DYNC2H1: variants seen among roughly 807,000 people sequenced by gnomAD.
The protein encoded by DYNC2H1 is cytoplasmic dynein 2 heavy chain 1.
A neutral mutation model predicts 570.0 loss-of-function variants in DYNC2H1; 410 were observed. The observed-to-expected ratio is 0.72, with a 90% confidence interval of 0.66 to 0.78. The LOEUF (loss-of-function observed/expected upper bound fraction) is 0.78. Among genes scored for constraint, DYNC2H1 ranks in the 30% least tolerant of loss-of-function variants. The pLI, the probability that DYNC2H1 is intolerant of heterozygous loss-of-function variation, is 0.00. For missense variants in DYNC2H1, 4,865 were observed against 5,046.4 expected (o/e 0.96, Z 1.09); for synonymous variants, 1,688 against 1,677.6 (o/e 1.01, Z -0.15).
At chr11:103,333,064 G>T (rs999148605) in intron 82 of DYNC2H1, among the ~76,000 whole-genome samples, 7 of 151,998 alleles carry the variant, frequency 4.6e-5, no homozygotes, top group Non-Finnish European at 1.0e-4. Flanking sequence ...TTATAAGATT[G>T]TTACAGGAAG....
At chr11:103,351,306 C>T (rs1315501653) in intron 82 of DYNC2H1, among the ~76,000 whole-genome samples, 3 of 152,172 alleles carry the variant, frequency 2.0e-5, no homozygotes, top group Non-Finnish European at 4.4e-5. Context: ...AAGTAAACTG[C>T]ATGTCCTTTT....
chr11:103,420,440 GT>G (rs1434597843), intron 84 of DYNC2H1, among the ~76,000 whole-genome samples: 1 of 152,086 alleles, frequency 6.6e-6, no homozygotes, highest in African/African-American at 2.4e-5. Flanking sequence ...ATTCTCCAAG[GT>G]TGAAATAAAA....
At chr11:103,454,765 C>T (rs1471637689) in intron 85 of DYNC2H1, among the ~76,000 whole-genome samples, 3 of 152,092 alleles carry the variant, frequency 2.0e-5, no homozygotes, top group African/African-American at 7.2e-5. Flanking sequence ...CATTGCCCTC[C>T]ACTGTTGTAA....
intron 39 of DYNC2H1, among the ~76,000 whole-genome samples, chr11:103,180,581 C>G (rs1476969556): frequency 2.0e-5 from 3 of 151,478 alleles, no homozygotes; most frequent in Non-Finnish European, 3.0e-5. Context: ...CAGCTTATAT[C>G]TTAGTTTTAG....
In DYNC2H1 at chr11:103,153,610, T is replaced by G. The variant is rs958254836; in HGVS notation, c.3302+102T>G. The G allele has an allele frequency of 4.0e-5, 42 of 1,050,484 alleles. No homozygotes were observed. In the Middle Eastern group the frequency reaches 1.2e-3, roughly 30 times the overall value. The allele number at this position is 1,050,484 out of a possible 1,614,324, so 65.1% of individuals were successfully genotyped here. The stretch of plus-strand genomic sequence containing the variant: ...TCTGTTATCTTGATAACTTTCCTCA[T>G]AAACTTCATCACTTTTTAAACTACA... On this transcript the variant is annotated intron_variant, in intron 22 of 88. Coordinates refer to ENST00000375735, the MANE Select transcript of DYNC2H1 (RefSeq NM_001377.3).
At chr11:103,284,289 C>G (rs1243568077) in intron 73 of DYNC2H1, among the ~76,000 whole-genome samples, 1 of 152,118 alleles carries the variant, frequency 6.6e-6, no homozygotes, top group African/African-American at 2.4e-5. Context: ...AAATTGAGCC[C>G]TGCTCTGTAC....
intron 74 of DYNC2H1, among the ~76,000 whole-genome samples, chr11:103,287,077 G>A (rs993135728): frequency 4.6e-5 from 7 of 152,160 alleles, no homozygotes; most frequent in Non-Finnish European, 1.0e-4. Context: ...CAGGATTCGA[G>A]GCAGCAGTGA....
chr11:103,158,751 T>C lies in DYNC2H1; in HGVS notation c.4202T>C (p.Leu1401Pro). Residue 1401 changes from leucine (L) to proline (P), a missense_variant, in exon 27 of 89, where the codon CTA becomes CCA. By Grantham distance (98) the Leu-to-Pro change is moderately conservative. Around this residue, in one of 5 missense-constraint regions of DYNC2H1, gnomAD observed 1,936 missense variants for 1,962.1 expected, o/e 0.99. Transcript: ENST00000375735. ...LTTHAGIRNSLLTILDQLQRC... is the reference protein window; with the variant it reads ...LTTHAGIRNSPLTILDQLQRC... ...ACTCATGCTGGAATAAGAAATTCTC[T>C]ACTAACAATACTTGATCAGCTTCAA... The C allele has an allele frequency of 6.6e-7, 1 of 1,512,166 alleles. No homozygotes were observed. The highest frequency in any genetic ancestry group is 9.0e-7 in the Non-Finnish European group (1 of 1,116,936). 93.7% of individuals were successfully genotyped at this position (1,512,166 alleles called of 1,614,324 possible). A position where few individuals can be genotyped will look rare whatever the true frequency, so the allele number is the denominator to read the frequency against.
intron 55 of DYNC2H1, among the ~76,000 whole-genome samples, chr11:103,216,655 G>C (rs1487169745): frequency 6.6e-6 from 1 of 152,008 alleles, no homozygotes; most frequent in Non-Finnish European, 1.5e-5. Flanking sequence ...AGTTGAGTGT[G>C]GTGGCACGTG....
intron 52 of DYNC2H1, among the ~76,000 whole-genome samples, chr11:103,207,245 A>ATTTTT (rs1565396154): frequency 5.9e-5 from 2 of 33,644 alleles, no homozygotes; most frequent in Non-Finnish European, 7.0e-5. Flanking sequence ...TTTTTTTTAA[A>ATTTTT]AAAAGATGGG....
At chr11:103,350,676 A>G (rs866418347) in intron 82 of DYNC2H1, among the ~76,000 whole-genome samples, 9 of 152,074 alleles carry the variant, frequency 5.9e-5, no homozygotes, top group Non-Finnish European at 2.9e-5. Context: ...GGTACAGCAT[A>G]CTCAATTTCT....
intron 17 of DYNC2H1, among the ~76,000 whole-genome samples, chr11:103,143,042 T>C (rs796652918): frequency 1.8e-4 from 28 of 152,326 alleles, no homozygotes; most frequent in African/African-American, 5.3e-4. Context: ...AACAGAGGGT[T>C]TATATAATTT....
At chr11:103,409,389 T>G (rs1001539344) in intron 84 of DYNC2H1, among the ~76,000 whole-genome samples, 1 of 144,466 alleles carries the variant, frequency 6.9e-6, no homozygotes, top group Non-Finnish European at 1.5e-5. Context: ...ATGTTAGGAG[T>G]TCAGTAGAGT....
At chr11:103,331,347 C>T (rs1938779957) in intron 82 of DYNC2H1, among the ~76,000 whole-genome samples, 1 of 151,988 alleles carries the variant, frequency 6.6e-6, no homozygotes, top group African/African-American at 2.4e-5. Flanking sequence ...TTTTTTTGTA[C>T]CAGAAACCTT....
intron 57 of DYNC2H1, 144 bp from the exon 58 acceptor site, chr11:103,221,886 A>G (rs1863602174): frequency 1.3e-6 from 1 of 764,586 alleles, no homozygotes; most frequent in Non-Finnish European, 2.0e-6. Context: ...AGGATAATAC[A>G]TTAGAAGCTT....
rs1033114691 is a variant in DYNC2H1, at chr11:103,111,374, C to T, written c.195+1605C>T. Reference sequence around the variant, plus strand: ...GTATTCGTTCATTTAATAGCCATAACGACATTGTAAGATAGGAACTATTCT... The same window carrying T: ...GTATTCGTTCATTTAATAGCCATAATGACATTGTAAGATAGGAACTATTCT... On this transcript the variant is annotated intron_variant, in intron 1 of 88. Coordinates refer to ENST00000375735, the MANE Select transcript of DYNC2H1 (RefSeq NM_001377.3). 8.5e-5 allele frequency among the ~76,000 whole-genome samples: 13 copies of T among 152,138 alleles called. No individual in the cohort carries two copies. The East Asian group carries it at 2.5e-3, about 29-fold the overall frequency.
intron 70 of DYNC2H1, among the ~76,000 whole-genome samples, chr11:103,272,740 G>A (rs1415550193): frequency 6.6e-6 from 1 of 151,994 alleles, no homozygotes; most frequent in African/African-American, 2.4e-5. Context: ...TATTAATCCT[G>A]ATCTAGTAGT....
chr11:103,154,188 G>A (rs905667571), intron 22 of DYNC2H1, among the ~76,000 whole-genome samples: 1 of 151,724 alleles, frequency 6.6e-6, no homozygotes, highest in Admixed American at 6.6e-5. Flanking sequence ...TACCAACTCA[G>A]TTTTGACTTC....
Position 103,151,465 on chromosome 11 carries a change from T to G in DYNC2H1, c.2947-671T>G, listed in dbSNP as rs1211932743. Among the ~76,000 whole-genome samples, 3 of 152,198 alleles carry G rather than the reference T, an allele frequency of 2.0e-5. No individual in the cohort carries two copies. The highest frequency in any genetic ancestry group is 4.4e-5 in the Non-Finnish European group (3 of 68,036). ...ATATTTAAAAATGTTTAAATGGATTTTATTGCTTTATTGAATAGTAAAAGT... is the reference window on the plus strand; with the variant it reads ...ATATTTAAAAATGTTTAAATGGATTGTATTGCTTTATTGAATAGTAAAAGT... On this transcript the variant is annotated intron_variant, in intron 20 of 88. Coordinates refer to ENST00000375735, the MANE Select transcript of DYNC2H1 (RefSeq NM_001377.3). The surrounding 1 kb of genome is among the most constrained non-coding windows in gnomAD (Gnocchi z 4.6).
Sources: gnomAD v4.1 joint callset for allele counts (sites outside exome capture counted in the v4.1 genomes callset) on GRCh38, gnomAD v4.1.1 for gene constraint, gnomAD v4.1.1 regional missense constraint, Gnocchi (gnomAD v3.1) non-coding constraint, MANE v1.5 for transcripts, NCBI Gene and HGNC (gene_info 2026-07-23, HGNC 2026-07-21) for gene names.